The following WDR3 variants were observed in gnomAD, a reference collection of about 807,000 sequenced individuals.
WDR3 encodes the protein WD repeat domain 3.
In WDR3, 81 loss-of-function variants were observed where a neutral mutation model predicts 123.7. The ratio of observed to expected loss-of-function variants is 0.65; its 90% CI spans 0.55 to 0.79. The LOEUF is 0.79. Among genes scored for constraint, WDR3 ranks in the 30% least tolerant of loss-of-function variants. WDR3 has a pLI of 0.00. For synonymous variants in WDR3, 390 were observed against 388.8 expected, an observed-to-expected ratio of 1.00 and a Z score of -0.04; for missense variants, 1,027 against 1,123.2, an observed-to-expected ratio of 0.91 and a Z score of 1.22.
intron 1 of WDR3, among the ~76,000 whole-genome samples, chr1:117,932,158 ATAAC>A (rs1440961844): frequency 1.3e-5 from 2 of 152,224 alleles, no homozygotes; most frequent in Non-Finnish European, 2.9e-5. Flanking sequence ...CCTTTTATAA[ATAAC>A]CAGTGGATTA....
At chr1:117,943,306 T>C (rs1465775594) in intron 10 of WDR3, 90 bp from the exon 11 acceptor site, 1 of 1,096,964 alleles carries the variant, frequency 9.1e-7, no homozygotes, top group Non-Finnish European at 1.3e-6. Flanking sequence ...TTTATATAGA[T>C]AGAGGACATT....
At chr1:117,937,441 C>T (rs1650985748) in intron 4 of WDR3, among the ~76,000 whole-genome samples, 1 of 152,060 alleles carries the variant, frequency 6.6e-6, no homozygotes, top group Non-Finnish European at 1.5e-5. Flanking sequence ...CAAGGTTTGC[C>T]AGGCATTAAT....
intron 11 of WDR3, among the ~76,000 whole-genome samples, chr1:117,944,946 G>A (rs1414086403): frequency 6.6e-6 from 1 of 152,084 alleles, no homozygotes; most frequent in Non-Finnish European, 1.5e-5. Flanking sequence ...ACCCATCTCG[G>A]TCTCCCAAAG....
chr1:117,949,418 C>G (rs1028262555), intron 13 of WDR3, among the ~76,000 whole-genome samples: 1 of 152,158 alleles, frequency 6.6e-6, no homozygotes, highest in Non-Finnish European at 1.5e-5. Flanking sequence ...GAGGTGAATA[C>G]TTTAAACAAA....
intron 3 of WDR3, among the ~76,000 whole-genome samples, chr1:117,935,259 T>G (rs1650870936): frequency 6.6e-6 from 1 of 152,196 alleles, no homozygotes. Context: ...AGACATATGT[T>G]TATATAGATA....
At chr1:117,948,217 A>T (rs1051736834) in intron 12 of WDR3, among the ~76,000 whole-genome samples, 188 bp from the exon 13 acceptor site, 5 of 152,234 alleles carry the variant, frequency 3.3e-5, no homozygotes, top group Non-Finnish European at 7.3e-5. Flanking sequence ...AACCCAGCAC[A>T]TCAGTAGGGG....
intron 5 of WDR3, 73 bp from the exon 6 acceptor site, chr1:117,939,404 T>G: frequency 6.6e-7 from 1 of 1,509,792 alleles, no homozygotes; most frequent in South Asian, 1.1e-5. Context: ...TGTAACAGAC[T>G]TTTGGAATGT....
rs1229725728 is a variant in WDR3 at position 117,960,023 on chromosome 1, ATAC to A, written c.*578_*580del. The A allele has an allele frequency of 2.0e-5, 3 of 152,262 alleles. No homozygotes were observed. The highest frequency in any genetic ancestry group is 7.2e-5 in the African/African-American group (3 of 41,556). The allele number at this position is 152,262 out of a possible 1,614,324, so 9.4% of individuals were successfully genotyped here. On this transcript the variant is annotated 3_prime_UTR_variant, in exon 27 of 27. Coordinates refer to ENST00000349139, the MANE Select transcript of WDR3 (RefSeq NM_006784.3). ...AGAAGATTCTAATTGCTAACTGTTTATACTTTTCTGAATAAAATAGTTGTTTCT... is the reference window on the plus strand; with the variant it reads ...AGAAGATTCTAATTGCTAACTGTTTATTTTCTGAATAAAATAGTTGTTTCT...
In WDR3 at chr1:117,936,762, C is replaced by A; in HGVS notation, c.382-7C>A. 2 of 1,586,904 alleles carry A rather than the reference C, an allele frequency of 1.3e-6. No homozygotes were observed. The highest frequency in any genetic ancestry group is 1.7e-6 in the Non-Finnish European group (2 of 1,163,950). ...TATTTTTCATCTGTATTATTTGATC[C>A]CTTTAGGACACAGATATTATTGTAT... On this transcript the variant is annotated splice_region_variant and splice_polypyrimidine_tract_variant and intron_variant, in intron 3 of 26. Transcript: ENST00000349139.
chr1:117,945,745 T>C (rs1651358466), intron 11 of WDR3, among the ~76,000 whole-genome samples: 1 of 152,174 alleles, frequency 6.6e-6, no homozygotes. Flanking sequence ...ATAAAAAATG[T>C]AGGGATATGT....
At chr1:117,959,052 G>A (rs375575689) in intron 26 of WDR3, 49 bp downstream of exon 26, 1 of 1,561,306 alleles carries the variant, frequency 6.4e-7, no homozygotes, top group Middle Eastern at 1.7e-4. Context: ...TTCCTAGTGT[G>A]ATTTAGAAAT....
chr1:117,938,015 G>A (rs993714811), intron 4 of WDR3, among the ~76,000 whole-genome samples: 1 of 152,126 alleles, frequency 6.6e-6, no homozygotes, highest in African/African-American at 2.4e-5. Flanking sequence ...CCAGGTAGTA[G>A]GACTTAAGTT....
intron 9 of WDR3, 61 bp from the exon 10 acceptor site, chr1:117,942,375 AG>A: frequency 6.8e-7 from 1 of 1,467,780 alleles, no homozygotes; most frequent in South Asian, 1.2e-5. Context: ...TTTGAACTCA[AG>A]TAAGAGCAAA....
chr1:117,944,997 G>A (rs1651317631), intron 11 of WDR3, among the ~76,000 whole-genome samples: 1 of 152,084 alleles, frequency 6.6e-6, no homozygotes, highest in South Asian at 2.1e-4. Context: ...CCAGCCCATT[G>A]TTGATTTTCG....
chr1:117,937,603 GA>G (rs1361527765), intron 4 of WDR3, among the ~76,000 whole-genome samples: 3 of 152,176 alleles, frequency 2.0e-5, no homozygotes, highest in Admixed American at 6.5e-5. Flanking sequence ...AGTTCTAATA[GA>G]AAAAATATAT....
In WDR3 at chr1:117,933,528, G is replaced by T. The variant is rs747244578; in HGVS notation, c.171+38G>T. The T allele has an allele frequency of 6.2e-6, 10 of 1,611,498 alleles. No homozygotes were observed. In the South Asian group the frequency reaches 1.1e-4, roughly 18 times the overall value. On this transcript the variant is annotated intron_variant, in intron 2 of 26. Transcript: ENST00000349139. Reference sequence around the variant, plus strand: ...TGACCAGTTTGATACTGATTTATTGGTATTTGAGGATGGAGAGGTAGTAGA... The same window carrying T: ...TGACCAGTTTGATACTGATTTATTGTTATTTGAGGATGGAGAGGTAGTAGA...
In WDR3 at chr1:117,950,903, A is replaced by G; in HGVS notation, c.1803+13A>G. 5 of 1,602,350 alleles carry G rather than the reference A, an allele frequency of 3.1e-6. No homozygotes were observed. Among genetic ancestry groups the G allele is most frequent in the Non-Finnish European group, 4.3e-6 (5 of 1,175,086 alleles). On this transcript the variant is annotated intron_variant, in intron 16 of 26. Transcript: ENST00000349139. ...GGACATCTCTCATGTAAGTAGTTTAAATAGTGTCTCAGTAATATGTTGTCT... is the reference window on the plus strand; with the variant it reads ...GGACATCTCTCATGTAAGTAGTTTAGATAGTGTCTCAGTAATATGTTGTCT...
chr1:117,946,072 T>G lies in WDR3; in HGVS notation c.1329-14T>G, dbSNP rs767503368. On this transcript the variant is annotated splice_polypyrimidine_tract_variant and intron_variant, in intron 11 of 26. Coordinates refer to ENST00000349139, the MANE Select transcript of WDR3 (RefSeq NM_006784.3). ...TTCTCTTAACATGAGTTCTTTATTTTTTCTTTCTCATAGGTCTACACTGCA... is the reference window on the plus strand; with the variant it reads ...TTCTCTTAACATGAGTTCTTTATTTGTTCTTTCTCATAGGTCTACACTGCA... The G allele has an allele frequency of 8.8e-6, 14 of 1,587,512 alleles. No individual in the cohort carries two copies. Among genetic ancestry groups the G allele is most frequent in the African/African-American group, 1.4e-5 (1 of 73,750 alleles).
chr1:117,942,600 T>G, intron 10 of WDR3, 56 bp downstream of exon 10: 9 of 1,506,964 alleles, frequency 6.0e-6, no homozygotes, highest in Non-Finnish European at 8.3e-6. Flanking sequence ...CAAGTATTAT[T>G]GGCTTTTTCA....
Sources: gnomAD v4.1 joint callset for allele counts (sites outside exome capture counted in the v4.1 genomes callset) on GRCh38, gnomAD v4.1.1 for gene constraint, MANE v1.5 for transcripts, NCBI Gene and HGNC (gene_info 2026-07-23, HGNC 2026-07-21) for gene names.